NR2C2: variants seen among roughly 807,000 people sequenced by gnomAD.
NR2C2 encodes the protein Nuclear hormone receptor TR4.
In NR2C2, 6 loss-of-function variants were observed where a neutral mutation model predicts 62.9. The ratio of observed to expected loss-of-function variants is 0.10; its 90% CI spans 0.05 to 0.19. NR2C2 has a LOEUF of 0.19. Ranked by LOEUF, NR2C2 falls within the 10% of genes least tolerant of loss-of-function variation. NR2C2 has a pLI of 1.00. For synonymous variants in NR2C2, 272 were observed against 273.8 expected, an observed-to-expected ratio of 0.99 and a Z score of 0.07; for missense variants, 479 against 762.7, an observed-to-expected ratio of 0.63 and a Z score of 4.38.
At chr3:14,969,814 A>G (rs1477106878) in intron 1 of NR2C2, among the ~76,000 whole-genome samples, 1 of 152,286 alleles carries the variant, frequency 6.6e-6, no homozygotes, top group South Asian at 2.1e-4. Context: ...CTTTTTATCA[A>G]CAGGATTTAC....
chr3:14,959,230 G>C (rs1011803600), intron 1 of NR2C2: 3 of 152,038 alleles, frequency 2.0e-5, no homozygotes, highest in African/African-American at 7.2e-5. Flanking sequence ...TACCTTTTTT[G>C]TCTGGGTGCA....
intron 7 of NR2C2, chr3:15,026,705 G>T (rs2041831113): frequency 6.6e-6 from 1 of 151,238 alleles, no homozygotes; most frequent in Admixed American, 6.6e-5. Flanking sequence ...ATGCACCTCT[G>T]TTTTTTTTTA....
chr3:15,007,426 CCCCT>C (rs1258164849), intron 2 of NR2C2, among the ~76,000 whole-genome samples: 1 of 151,952 alleles, frequency 6.6e-6, no homozygotes, highest in Non-Finnish European at 1.5e-5. Flanking sequence ...CGTGCCCAGC[CCCCT>C]GACCTCTCTT....
At chr3:14,950,878 A>G (rs2039336037) in intron 1 of NR2C2, among the ~76,000 whole-genome samples, 1 of 152,222 alleles carries the variant, frequency 6.6e-6, no homozygotes, top group Non-Finnish European at 1.5e-5. Flanking sequence ...TTGGCAATTC[A>G]GATAGCACTG....
chr3:15,045,163 T>C lies in NR2C2; in HGVS notation c.*2155T>C, dbSNP rs182707410. 3 of 152,332 alleles carry C rather than the reference T, an allele frequency of 2.0e-5. No individual in the cohort carries two copies. In the East Asian group the frequency reaches 5.8e-4, roughly 29 times the overall value. 9.4% of individuals were successfully genotyped at this position (152,332 alleles called of 1,614,324 possible). ...TAGTAGCAGGCATCCTGCAGCTCAGTGGTGCCTCTAACACAGATTGTTGCC... is the reference window on the plus strand; with the variant it reads ...TAGTAGCAGGCATCCTGCAGCTCAGCGGTGCCTCTAACACAGATTGTTGCC... On this transcript the variant is annotated 3_prime_UTR_variant, in exon 14 of 14. Coordinates refer to ENST00000425241, the MANE Select transcript of NR2C2 (RefSeq NM_001291694.2).
intron 1 of NR2C2, among the ~76,000 whole-genome samples, chr3:14,992,171 AAAC>A (rs1210299124): frequency 2.6e-5 from 4 of 152,150 alleles, no homozygotes; most frequent in Admixed American, 6.5e-5. Flanking sequence ...TAAAACAAAC[AAAC>A]AACAAAAACA....
chr3:14,985,714 T>C (rs2040496603), intron 1 of NR2C2, among the ~76,000 whole-genome samples: 2 of 152,194 alleles, frequency 1.3e-5, no homozygotes, highest in African/African-American at 4.8e-5. Flanking sequence ...TAGAGCTATA[T>C]TTATTTAGCT....
chr3:15,012,651 C>T (rs935527143), intron 2 of NR2C2, among the ~76,000 whole-genome samples: 1 of 152,284 alleles, frequency 6.6e-6, no homozygotes, highest in African/African-American at 2.4e-5. Flanking sequence ...AGCAGCAGCT[C>T]AAGAGTCTTC....
intron 2 of NR2C2, among the ~76,000 whole-genome samples, chr3:15,005,168 T>C (rs2041132006): frequency 6.6e-6 from 1 of 152,042 alleles, no homozygotes; most frequent in Non-Finnish European, 1.5e-5. Flanking sequence ...TAGCATGGTA[T>C]AACTTTCTCT....
intron 1 of NR2C2, among the ~76,000 whole-genome samples, chr3:14,963,318 G>A (rs977383784): frequency 6.6e-6 from 1 of 152,044 alleles, no homozygotes; most frequent in Non-Finnish European, 1.5e-5. Flanking sequence ...AGTAGGTAAG[G>A]AAACCAAGTC....
chr3:14,984,088 A>G (rs916993094), intron 1 of NR2C2, among the ~76,000 whole-genome samples: 3 of 151,790 alleles, frequency 2.0e-5, no homozygotes, highest in African/African-American at 7.3e-5. Context: ...GGATTTCTCC[A>G]TGTTGGTCAG....
chr3:15,012,300 C>T (rs1257094221), intron 2 of NR2C2, among the ~76,000 whole-genome samples: 2 of 151,810 alleles, frequency 1.3e-5, no homozygotes, highest in Non-Finnish European at 2.9e-5. Flanking sequence ...AATCTCAGCT[C>T]ACTGCAAACT....
intron 4 of NR2C2, among the ~76,000 whole-genome samples, chr3:15,017,124 T>C (rs1195279972): frequency 6.6e-6 from 1 of 152,184 alleles, no homozygotes; most frequent in African/African-American, 2.4e-5. Context: ...GTTTGTTTTG[T>C]TTTTTAAAAA....
At chr3:14,957,652 A>T (rs554494617) in intron 1 of NR2C2, among the ~76,000 whole-genome samples, 72 of 152,274 alleles carry the variant, frequency 4.7e-4, no homozygotes, top group South Asian at 1.0e-3. Context: ...GTTTTTATAT[A>T]CTGTGCCCTG....
chr3:15,042,105 G>A (rs17040694), intron 13 of NR2C2, among the ~76,000 whole-genome samples: 1 of 152,118 alleles, frequency 6.6e-6, no homozygotes, highest in Non-Finnish European at 1.5e-5. Flanking sequence ...GTAGAGTCCT[G>A]GCACATGCTC....
intron 2 of NR2C2, 42 bp from the exon 3 acceptor site, chr3:15,013,547 T>C (rs2041416189): frequency 6.3e-7 from 1 of 1,586,420 alleles, no homozygotes; most frequent in African/African-American, 1.3e-5. Flanking sequence ...GCATGGGTCT[T>C]GTGACACTCC....
rs560726197 is a variant in NR2C2 at position 15,032,333 on chromosome 3, CCT to C, written c.1111-45_1111-44del. The C allele has an allele frequency of 7.4e-4, 1,197 of 1,613,656 alleles. 15 individuals carry two copies. Among genetic ancestry groups the C allele is most frequent in the Admixed American group, 3.7e-4 (22 of 60,020 alleles). ...TACATGTTGACAGACAAAGCCATCC[CCT>C]GTCCTTCCTTCACCTCCTGTGCCAT... On this transcript the variant is annotated intron_variant, in intron 9 of 13. Coordinates refer to ENST00000425241, the MANE Select transcript of NR2C2 (RefSeq NM_001291694.2).
chr3:15,037,155 A>T (rs935083021), intron 11 of NR2C2, among the ~76,000 whole-genome samples: 1 of 150,534 alleles, frequency 6.6e-6, no homozygotes, highest in Admixed American at 6.6e-5. Flanking sequence ...TGAAGTTAAG[A>T]TTTGTTCACA....
At chr3:14,969,125 TTAAAG>T (rs1292056109) in intron 1 of NR2C2, among the ~76,000 whole-genome samples, 9 of 151,454 alleles carry the variant, frequency 5.9e-5, no homozygotes, top group Non-Finnish European at 8.8e-5. Flanking sequence ...ACCCTAAAAC[TTAAAG>T]TATAGTAATA....
Sources: gnomAD v4.1 joint callset for allele counts (sites outside exome capture counted in the v4.1 genomes callset) on GRCh38, gnomAD v4.1.1 for gene constraint, MANE v1.5 for transcripts, NCBI Gene and HGNC (gene_info 2026-07-23, HGNC 2026-07-21) for gene names.